The following SEMA7A variants were observed in gnomAD, a reference collection of about 807,000 sequenced individuals.
SEMA7A encodes semaphorin 7A (JohnMiltonHagen blood group), also known as semaphorin-7A.
SEMA7A carries 21 observed loss-of-function variants against 67.5 expected under a neutral mutation model. The ratio of observed to expected loss-of-function variants is 0.31; its 90% CI spans 0.22 to 0.45. The LOEUF (loss-of-function observed/expected upper bound fraction) is 0.45. Ranked by LOEUF, SEMA7A falls within the 20% of genes least tolerant of loss-of-function variation. The probability of loss-of-function intolerance (pLI) is 1.00; values close to 1 mark genes in which losing one functional copy is unlikely to be tolerated. For missense variants in SEMA7A, 774 were observed against 908.6 expected, an observed-to-expected ratio of 0.85 and a Z score of 1.90; for synonymous variants, 364 against 368.5, an observed-to-expected ratio of 0.99 and a Z score of 0.14.
rs1488819994 is a variant in SEMA7A at position 74,417,386 on chromosome 15, G to A, written c.610C>T (p.Arg204Cys). The A allele has an allele frequency of 6.2e-6, 10 of 1,613,906 alleles. No individual in the cohort carries two copies. Among genetic ancestry groups the A allele is most frequent in the East Asian group, 2.2e-5 (1 of 44,892 alleles). ...AGCTCACTCTCGCCCCGGATGCGGC[G>A]GAACCGAGGGATCTTCCCATTGTAT... ...QEYNGKIPRFRRIRGESELYT... is the reference protein window; with the variant it reads ...QEYNGKIPRFCRIRGESELYT... Residue 204 changes from arginine to cysteine, a missense_variant, in exon 6 of 14, where the codon CGC becomes TGC. Coordinates refer to ENST00000261918, the MANE Select transcript of SEMA7A (RefSeq NM_003612.5).
chr15:74,433,693 C>T, intron 1 of SEMA7A, 48 bp downstream of exon 1: 3 of 1,380,552 alleles, frequency 2.2e-6, no homozygotes, highest in South Asian at 3.3e-5. Flanking sequence ...GCACCCGCCC[C>T]GCGCAGCGTC....
intron 1 of SEMA7A, among the ~76,000 whole-genome samples, chr15:74,421,474 G>A (rs549567094): frequency 1.4e-4 from 22 of 152,224 alleles, no homozygotes; most frequent in Non-Finnish European, 2.6e-4. Context: ...GGGACTGTTC[G>A]TCCCATTTTG....
intron 1 of SEMA7A, among the ~76,000 whole-genome samples, chr15:74,426,812 G>A (rs1470473559): frequency 6.6e-6 from 1 of 152,182 alleles, no homozygotes; most frequent in African/African-American, 2.4e-5. Flanking sequence ...GCTGACCACA[G>A]TGAAGGGCAG....
chr15:74,431,061 G>C (rs564081756), intron 1 of SEMA7A, among the ~76,000 whole-genome samples: 1 of 152,266 alleles, frequency 6.6e-6, no homozygotes, highest in Admixed American at 6.5e-5. Flanking sequence ...TGATAAAATG[G>C]AAGAGGGGTG....
chr15:74,424,965 C>T (rs1228801198), intron 1 of SEMA7A, among the ~76,000 whole-genome samples: 5 of 152,180 alleles, frequency 3.3e-5, no homozygotes, highest in Non-Finnish European at 7.4e-5. Flanking sequence ...GGGGAGAGGG[C>T]GGAGAATGGC....
chr15:74,416,818 G>T, intron 6 of SEMA7A, 104 bp from the exon 7 acceptor site: 1 of 1,301,642 alleles, frequency 7.7e-7, no homozygotes, highest in Non-Finnish European at 1.1e-6. Flanking sequence ...CACAAACCAT[G>T]GCAAATCAGA....
chr15:74,421,581 G>A (rs760577065), intron 1 of SEMA7A, among the ~76,000 whole-genome samples: 23 of 152,164 alleles, frequency 1.5e-4, no homozygotes, highest in Non-Finnish European at 2.9e-4. Context: ...TGGACTAGAG[G>A]GAATGACACC....
Position 74,417,370 on chromosome 15 carries a change from T to A in SEMA7A, c.626A>T (p.Glu209Val), listed in dbSNP as rs1252538346. The A allele has an allele frequency of 6.2e-7, 1 of 1,613,968 alleles. No individual in the cohort carries two copies. Among genetic ancestry groups the A allele is most frequent in the Admixed American group, 1.7e-5 (1 of 60,010 alleles). ...AGTATCACTGGTGTACAGCTCACTC[T>A]CGCCCCGGATGCGGCGGAACCGAGG... ...KIPRFRRIRGESELYTSDTVM... is the reference protein window; with the variant it reads ...KIPRFRRIRGVSELYTSDTVM... The change falls in exon 6 of 14, where the codon GAG (glutamate) becomes GTG (valine). Residue 209 changes from glutamate (E) to valine (V), a missense_variant. Glu to Val is a moderately radical substitution (Grantham distance 121, BLOSUM62 -2). Around this residue, in one of 2 missense-constraint regions of SEMA7A, gnomAD observed 347 missense variants for 353.2 expected, o/e 0.98. Coordinates refer to ENST00000261918, the MANE Select transcript of SEMA7A (RefSeq NM_003612.5).
In SEMA7A at chr15:74,417,584, G is replaced by A. The variant is rs778739866; in HGVS notation, c.550+7C>T. ...CCCCTGGGGCGCCTGCTCCAGCACT[G>A]CCCTACCTTCAAACAGAACCAGGGA... On this transcript the variant is annotated splice_region_variant and intron_variant, in intron 5 of 13. Transcript: ENST00000261918. The A allele has an allele frequency of 1.2e-6, 2 of 1,611,568 alleles. No individual in the cohort carries two copies. Among genetic ancestry groups the A allele is most frequent in the Non-Finnish European group, 1.7e-6 (2 of 1,179,030 alleles).
intron 1 of SEMA7A, among the ~76,000 whole-genome samples, chr15:74,420,134 C>A (rs1174443248): frequency 6.6e-6 from 1 of 152,222 alleles, no homozygotes; most frequent in East Asian, 1.9e-4. Flanking sequence ...CTACCATTTC[C>A]TCAACTCTGC....
chr15:74,425,802 AGTC>A (rs2061039456), intron 1 of SEMA7A, among the ~76,000 whole-genome samples: 1 of 152,188 alleles, frequency 6.6e-6, no homozygotes, highest in Non-Finnish European at 1.5e-5. Flanking sequence ...TACCGTAGAC[AGTC>A]GTCTCCTGGT....
chr15:74,417,234 C>A, intron 6 of SEMA7A, 101 bp downstream of exon 6: 1 of 894,860 alleles, frequency 1.1e-6, no homozygotes. Flanking sequence ...ATGGCCCCAG[C>A]GGCCCTCAGG....
chr15:74,415,448 G>A (rs933095271), intron 8 of SEMA7A, among the ~76,000 whole-genome samples: 1 of 152,176 alleles, frequency 6.6e-6, no homozygotes, highest in South Asian at 2.1e-4. Context: ...CTCAGGCAGT[G>A]CCTGAGCAGG....
At chr15:74,417,309 C>A in intron 6 of SEMA7A, 26 bp downstream of exon 6, 5 of 1,592,600 alleles carry the variant, frequency 3.1e-6, no homozygotes, top group South Asian at 1.1e-5. Context: ...CTTGCCCACC[C>A]TCAGCCCAGC....
intron 1 of SEMA7A, among the ~76,000 whole-genome samples, chr15:74,426,289 A>G (rs987402267): frequency 6.6e-6 from 1 of 152,142 alleles, no homozygotes; most frequent in South Asian, 2.1e-4. Context: ...CAACAACAAC[A>G]ACAAAACAAA....
Position 74,414,910 on chromosome 15 carries a change from G to A in SEMA7A, c.1023C>T (p.Asp341=), listed in dbSNP as rs1416527035. The change falls in exon 9 of 14, where the codon GAC becomes GAT. Residue 341 remains aspartate (D), a synonymous_variant. Transcript: ENST00000261918. This position sits in a 1 kb window ranked among gnomAD's most constrained non-coding sequence, Gnocchi z 4.1. ...AGGAGGTACGGAAGACCTTGTCAAT[G>A]TCACCGAGGGAATACACACAGACGG... is the stretch of plus-strand genomic sequence containing the variant. ...YSAVCVYSLG[D]IDKVFRTSSL... is the part of the protein sequence containing the mutation. The A allele has an allele frequency of 6.2e-7, 1 of 1,614,164 alleles. No homozygotes were observed. The highest frequency in any genetic ancestry group is 1.3e-5 in the African/African-American group (1 of 75,036).
At position 74,417,391 on chromosome 15, in the gene SEMA7A, C is replaced by A; in HGVS notation, c.605G>T (p.Arg202Leu). The change falls in exon 6 of 14, where the codon CGG becomes CTG. Residue 202 changes from arginine to leucine, a missense_variant. Arg to Leu is a moderately radical substitution (Grantham distance 102, BLOSUM62 -2). Transcript: ENST00000261918. ...ACTCTCGCCCCGGATGCGGCGGAAC[C>A]GAGGGATCTTCCCATTGTATTCCTG... ...RKQEYNGKIP[R>L]FRRIRGESEL... 1 of 1,614,066 alleles carries A rather than the reference C, an allele frequency of 6.2e-7. No individual in the cohort carries two copies. Among genetic ancestry groups the A allele is most frequent in the Non-Finnish European group, 8.5e-7 (1 of 1,180,022 alleles).
rs773546500 is a variant in SEMA7A, at chr15:74,411,032, C to T, written c.1640-47G>A. ...AGCCGTGAGGAGGGACAAAGAGCTC[C>T]CAGGGGAGGATGTGTCCTCCCCACG... is the stretch of plus-strand genomic sequence containing the variant. On this transcript the variant is annotated intron_variant, in intron 13 of 13. Transcript: ENST00000261918. This position sits in a 1 kb window ranked among gnomAD's most constrained non-coding sequence, Gnocchi z 4.4. The T allele has an allele frequency of 1.5e-5, 23 of 1,576,596 alleles. No homozygotes were observed. The highest frequency in any genetic ancestry group is 5.8e-5 in the South Asian group (5 of 85,964).
chr15:74,416,902 G>T (rs1567072968), intron 6 of SEMA7A, among the ~76,000 whole-genome samples, 188 bp from the exon 7 acceptor site: 2 of 152,164 alleles, frequency 1.3e-5, no homozygotes, highest in Non-Finnish European at 2.9e-5. Context: ...CCCCACACCT[G>T]TTTTGCCCTC....
Sources: allele counts gnomAD v4.1 joint callset (sites outside exome capture counted in the v4.1 genomes callset), GRCh38; gene constraint gnomAD v4.1.1; regional missense constraint gnomAD v4.1.1; non-coding constraint Gnocchi (gnomAD v3.1); transcripts MANE v1.5; gene names NCBI Gene and HGNC (gene_info 2026-07-23, HGNC 2026-07-21).